Variants in CAMTA1 observed in about 807,000 individuals in gnomAD.
CAMTA1 encodes the protein calmodulin-binding transcription activator 1.
Under a neutral mutation model 170.9 loss-of-function variants are expected in CAMTA1, and 27 were observed. The ratio of observed to expected loss-of-function variants is 0.16; its 90% CI spans 0.12 to 0.22. CAMTA1 has a LOEUF of 0.22. Among genes scored for constraint, CAMTA1 ranks in the 10% least tolerant of loss-of-function variants. CAMTA1 has a pLI of 1.00. For missense variants in CAMTA1, 1,619 were observed against 2,217.2 expected (o/e 0.73, Z 5.42); for synonymous variants, 833 against 891.5 (o/e 0.93, Z 1.17).
At chr1:7,422,145 A>G (rs11120919) in intron 5 of CAMTA1, among the ~76,000 whole-genome samples, 11,356 of 152,054 alleles carry the variant, frequency 0.075, 1,100 homozygotes, top group African/African-American at 0.23. Flanking sequence ...TGGACAGGGC[A>G]GATTGGGCCC....
chr1:7,563,966 T>TG (rs1281316362), intron 6 of CAMTA1, among the ~76,000 whole-genome samples: 2 of 151,612 alleles, frequency 1.3e-5, no homozygotes, highest in East Asian at 1.9e-4. Context: ...AGGGGCTGGG[T>TG]GGGGGGTAGA....
intron 5 of CAMTA1, among the ~76,000 whole-genome samples, chr1:7,447,655 C>T (rs1455968833): frequency 5.9e-5 from 9 of 152,124 alleles, no homozygotes; most frequent in African/African-American, 4.8e-5. Flanking sequence ...TCAGAGCAGC[C>T]CTGCCAGTGC....
chr1:7,399,078 A>G (rs1346703087), intron 5 of CAMTA1, among the ~76,000 whole-genome samples: 1 of 152,210 alleles, frequency 6.6e-6, no homozygotes, highest in Non-Finnish European at 1.5e-5. Flanking sequence ...CTCAAACCTC[A>G]TGCTGAAATT....
intron 5 of CAMTA1, among the ~76,000 whole-genome samples, chr1:7,310,671 C>CTTTT (rs59687486): frequency 9.0e-5 from 3 of 33,320 alleles, no homozygotes; most frequent in Non-Finnish European, 1.6e-4. Context: ...TTCTTTCTTT[C>CTTTT]CTTTCTTTCT....
intron 7 of CAMTA1, among the ~76,000 whole-genome samples, chr1:7,654,312 G>A (rs181336473): frequency 9.7e-4 from 148 of 152,084 alleles, no homozygotes; most frequent in Middle Eastern, 3.4e-3. Context: ...CCCAAGGGTC[G>A]GAGGTTGCAG....
At chr1:7,012,946 C>T (rs1240942174) in intron 3 of CAMTA1, among the ~76,000 whole-genome samples, 1 of 152,166 alleles carries the variant, frequency 6.6e-6, no homozygotes, top group Non-Finnish European at 1.5e-5. Context: ...TGTCTGTAAT[C>T]TCTCCCCACA....
rs991347902 is a variant in CAMTA1, at chr1:7,309,530, A to C, written c.438+59904A>C. Among the ~76,000 whole-genome samples the C allele has an allele frequency of 1.7e-3, 260 of 151,118 alleles. 1 individual carries two copies. Among genetic ancestry groups the C allele is most frequent in the Middle Eastern group, 0.01 (3 of 288 alleles). On this transcript the variant is annotated intron_variant, in intron 5 of 22. Coordinates refer to ENST00000303635, the MANE Select transcript of CAMTA1 (RefSeq NM_015215.4). Reference sequence around the variant, plus strand: ...TAGCCGGGATGGTCTCGATCTCCTGACCTCGTGATCCGCCCGCCTCGGCCT... The same window carrying C: ...TAGCCGGGATGGTCTCGATCTCCTGCCCTCGTGATCCGCCCGCCTCGGCCT...
At chr1:6,903,014 A>G (rs909676018) in intron 3 of CAMTA1, among the ~76,000 whole-genome samples, 1 of 152,254 alleles carries the variant, frequency 6.6e-6, no homozygotes, top group Non-Finnish European at 1.5e-5. Flanking sequence ...AACTTATATA[A>G]GAATGTTCAT....
chr1:7,012,469 A>G (rs1196557550), intron 3 of CAMTA1, among the ~76,000 whole-genome samples: 1 of 151,894 alleles, frequency 6.6e-6, no homozygotes, highest in Non-Finnish European at 1.5e-5. Context: ...GCATACAAAC[A>G]TGCCACGATT....
chr1:7,190,127 C>T (rs539542448), intron 4 of CAMTA1, among the ~76,000 whole-genome samples: 10 of 152,156 alleles, frequency 6.6e-5, no homozygotes, highest in African/African-American at 2.2e-4. Context: ...TTTGCGGACT[C>T]GGGGGAAAGG....
chr1:7,510,506 A>G (rs1244470472), intron 6 of CAMTA1, among the ~76,000 whole-genome samples: 1 of 146,372 alleles, frequency 6.8e-6, no homozygotes, highest in African/African-American at 2.4e-5. Context: ...AGTGACACAT[A>G]GGTCACAGCT....
intron 6 of CAMTA1, among the ~76,000 whole-genome samples, chr1:7,492,692 TACAA>T (rs1200301387): frequency 1.8e-5 from 2 of 112,248 alleles, no homozygotes; most frequent in Non-Finnish European, 3.6e-5. Context: ...AACACAAACC[TACAA>T]ACACACACGC....
At chr1:6,920,831 A>G (rs764461379) in intron 3 of CAMTA1, among the ~76,000 whole-genome samples, 2 of 152,214 alleles carry the variant, frequency 1.3e-5, no homozygotes, top group Non-Finnish European at 1.5e-5. Context: ...CAACTGGGAC[A>G]TAGGGCACCA....
At chr1:7,686,471 T>C (rs990814017) in intron 11 of CAMTA1, among the ~76,000 whole-genome samples, 3 of 150,494 alleles carry the variant, frequency 2.0e-5, no homozygotes, top group Non-Finnish European at 4.4e-5. Context: ...GCCTGGCGCG[T>C]TGGGGGAGCT....
chr1:7,498,671 TTGAG>T (rs1284306483), intron 6 of CAMTA1, among the ~76,000 whole-genome samples: 1 of 151,992 alleles, frequency 6.6e-6, no homozygotes, highest in East Asian at 1.9e-4. Flanking sequence ...TATGACTACA[TTGAG>T]TGCATGCATA....
At chr1:7,711,021 GT>G (rs1303352132) in intron 11 of CAMTA1, among the ~76,000 whole-genome samples, 1 of 152,190 alleles carries the variant, frequency 6.6e-6, no homozygotes, top group Non-Finnish European at 1.5e-5. Flanking sequence ...ACCGGGTGCA[GT>G]TCCTTAGTTC....
At chr1:7,284,569 A>G (rs530989784) in intron 5 of CAMTA1, among the ~76,000 whole-genome samples, 2 of 152,312 alleles carry the variant, frequency 1.3e-5, no homozygotes, top group South Asian at 2.1e-4. Flanking sequence ...ATGGGTTAAT[A>G]TGGGCAGAAT....
At chr1:7,313,800 G>C (rs1457900053) in intron 5 of CAMTA1, among the ~76,000 whole-genome samples, 4 of 152,140 alleles carry the variant, frequency 2.6e-5, no homozygotes, top group Admixed American at 6.5e-5. Context: ...AGTACGTAGG[G>C]AGACAGACAG....
chr1:7,034,138 G>C (rs1203747881), intron 3 of CAMTA1, among the ~76,000 whole-genome samples: 1 of 151,960 alleles, frequency 6.6e-6, no homozygotes, highest in Non-Finnish European at 1.5e-5. Context: ...GTCCAAGTGT[G>C]AGTGACAGTG....
Sources: allele counts gnomAD v4.1 joint callset (sites outside exome capture counted in the v4.1 genomes callset), GRCh38; gene constraint gnomAD v4.1.1; transcripts MANE v1.5; gene names NCBI Gene and HGNC (gene_info 2026-07-23, HGNC 2026-07-21).